The following GPATCH2L variants were observed in gnomAD, a reference collection of about 807,000 sequenced individuals.
GPATCH2L encodes the protein G-patch domain containing 2 like.
Under a neutral mutation model 57.4 loss-of-function variants are expected in GPATCH2L, and 31 were observed. The observed-to-expected ratio is 0.54, with a 90% CI of 0.41 to 0.73. The LOEUF (loss-of-function observed/expected upper bound fraction) is 0.73. Among genes scored for constraint, GPATCH2L ranks in the 30% least tolerant of loss-of-function variants. GPATCH2L has a pLI of 0.00. For missense variants in GPATCH2L, 481 were observed against 599.9 expected (o/e 0.80, Z 2.07); for synonymous variants, 199 against 210.7 (o/e 0.94, Z 0.48).
At chr14:76,157,377 G>A (rs72727845) in intron 2 of GPATCH2L, among the ~76,000 whole-genome samples, 4,475 of 152,318 alleles carry the variant, frequency 0.029, 102 homozygotes, top group East Asian at 0.13. Flanking sequence ...GCATTAGAGT[G>A]TAAGGAGATA....
chr14:76,191,978 T>C (rs2039983128), intron 8 of GPATCH2L, among the ~76,000 whole-genome samples: 1 of 152,158 alleles, frequency 6.6e-6, no homozygotes, highest in Non-Finnish European at 1.5e-5. Flanking sequence ...GTTCTACTTT[T>C]TACTTCTATG....
intron 2 of GPATCH2L, among the ~76,000 whole-genome samples, chr14:76,162,925 T>G (rs2543388): frequency 0.21 from 31,244 of 152,120 alleles, 3,550 homozygotes; most frequent in African/African-American, 0.3. Context: ...CAGCTACAGT[T>G]TCAGCTGTGC....
At chr14:76,232,712 G>T (rs910150116) in intron 2 of GPATCH2L, among the ~76,000 whole-genome samples, 2 of 152,230 alleles carry the variant, frequency 1.3e-5, no homozygotes, top group African/African-American at 4.8e-5. Flanking sequence ...GTCCAGGAAG[G>T]TTGCAGGCAT....
chr14:76,216,418 T>A (rs1311644696), downstream of GPATCH2L, among the ~76,000 whole-genome samples: 1 of 152,200 alleles, frequency 6.6e-6, no homozygotes, highest in Admixed American at 6.5e-5. Flanking sequence ...TCTGGAGGAA[T>A]GAGCCTTCAA....
intron 8 of GPATCH2L, among the ~76,000 whole-genome samples, chr14:76,194,376 G>A (rs2040078494): frequency 6.6e-6 from 1 of 152,084 alleles, no homozygotes. Context: ...TCAGCCTGTA[G>A]CATTCTTTGC....
intron 9 of GPATCH2L, among the ~76,000 whole-genome samples, chr14:76,199,813 T>C (rs768542438): frequency 6.6e-6 from 1 of 152,222 alleles, no homozygotes; most frequent in Non-Finnish European, 1.5e-5. Context: ...GTTCTGTTTC[T>C]GTGCATATAC....
intron 1 of GPATCH2L, among the ~76,000 whole-genome samples, chr14:76,226,286 A>G (rs2040536022): frequency 6.6e-6 from 1 of 152,260 alleles, no homozygotes; most frequent in Admixed American, 6.5e-5. Flanking sequence ...GAGGATTAAC[A>G]AACTGTATGC....
At chr14:76,192,951 G>A (rs2040026841) in intron 8 of GPATCH2L, among the ~76,000 whole-genome samples, 1 of 152,056 alleles carries the variant, frequency 6.6e-6, no homozygotes, top group Admixed American at 6.6e-5. Flanking sequence ...ACAGAGAGAA[G>A]TAATATGCTG....
intron 7 of GPATCH2L, among the ~76,000 whole-genome samples, chr14:76,180,368 A>G (rs2039515818): frequency 1.3e-5 from 2 of 152,310 alleles, no homozygotes; most frequent in South Asian, 4.1e-4. Flanking sequence ...TATTCTTGGA[A>G]ACATTTGCCA....
Position 76,210,323 on chromosome 14 carries a change from A to C in GPATCH2L, c.*8472A>C, listed in dbSNP as rs2040426484. 6.6e-6 allele frequency: 1 copy of C among 152,258 alleles called. No homozygotes were observed. Among genetic ancestry groups the C allele is most frequent in the South Asian group, 2.1e-4 (1 of 4,832 alleles). 9.4% of individuals were successfully genotyped at this position (152,258 alleles called of 1,614,324 possible). A position where few individuals can be genotyped will look rare whatever the true frequency, so the allele number is the denominator to read the frequency against. On this transcript the variant is annotated 3_prime_UTR_variant, in exon 10 of 10. Coordinates refer to ENST00000261530, the MANE Select transcript of GPATCH2L (RefSeq NM_017926.4). ...ATCTATTAAGTGTCAGTCAAGATTC[A>C]GATTCAAGTCTGATGTTAAAGAGTG...
At chr14:76,218,595 A>AT (rs1293062471), downstream of GPATCH2L, among the ~76,000 whole-genome samples, 1 of 152,090 alleles carries the variant, frequency 6.6e-6, no homozygotes, top group Non-Finnish European at 1.5e-5. Flanking sequence ...ACTTCTCTCG[A>AT]TTTACAAATG....
intron 9 of GPATCH2L, among the ~76,000 whole-genome samples, chr14:76,198,233 G>A (rs1333359274): frequency 6.6e-6 from 1 of 152,184 alleles, no homozygotes; most frequent in Non-Finnish European, 1.5e-5. Flanking sequence ...ATCTTAGTGA[G>A]CAAGCATGCT....
intron 8 of GPATCH2L, among the ~76,000 whole-genome samples, chr14:76,187,488 A>G (rs2039812241): frequency 6.6e-6 from 1 of 152,152 alleles, no homozygotes; most frequent in South Asian, 2.1e-4. Context: ...TTTGGTCCCT[A>G]GAAATATCAA....
chr14:76,155,513 G>A (rs2038266145), intron 2 of GPATCH2L, among the ~76,000 whole-genome samples: 1 of 152,044 alleles, frequency 6.6e-6, no homozygotes, highest in Non-Finnish European at 1.5e-5. Flanking sequence ...TGCTACTTGT[G>A]GTTTGATTAT....
At chr14:76,220,742 T>C (rs1429362281) in intron 1 of GPATCH2L, among the ~76,000 whole-genome samples, 1 of 152,138 alleles carries the variant, frequency 6.6e-6, no homozygotes, top group East Asian at 1.9e-4. Context: ...AAATATGTTC[T>C]CTGACCAAAG....
intron 1 of GPATCH2L, among the ~76,000 whole-genome samples, chr14:76,225,443 GA>G (rs961177339): frequency 8.6e-5 from 13 of 151,676 alleles, no homozygotes; most frequent in Admixed American, 3.9e-4. Flanking sequence ...TCCACAACTT[GA>G]AAAAAACCAA....
intron 7 of GPATCH2L, chr14:76,179,729 T>C (rs577062540): frequency 7.2e-5 from 11 of 152,310 alleles, no homozygotes; most frequent in East Asian, 1.9e-4. Context: ...AGGACTGTTA[T>C]GTTGTGGGAA....
At chr14:76,174,817 T>G (rs1386783257) in intron 5 of GPATCH2L, 4 of 152,076 alleles carry the variant, frequency 2.6e-5, no homozygotes, top group Non-Finnish European at 5.9e-5. Context: ...GTATTTTTAG[T>G]ACAGATGGGG....
intron 9 of GPATCH2L, among the ~76,000 whole-genome samples, chr14:76,199,803 G>T (rs1186406014): frequency 6.6e-6 from 1 of 152,178 alleles, no homozygotes; most frequent in Non-Finnish European, 1.5e-5. Flanking sequence ...TGATCCAGCA[G>T]TTCTGTTTCT....
Sources: allele counts gnomAD v4.1 joint callset (sites outside exome capture counted in the v4.1 genomes callset), GRCh38; gene constraint gnomAD v4.1.1; transcripts MANE v1.5; gene names NCBI Gene and HGNC (gene_info 2026-07-23, HGNC 2026-07-21).